Variants in USP6NL observed in about 807,000 individuals in gnomAD.
USP6NL encodes the protein USP6 N-terminal-like protein.
USP6NL carries 26 observed loss-of-function variants against 61.9 expected under a neutral mutation model. That is an observed-to-expected ratio of 0.42 (90% CI 0.31 to 0.58). The LOEUF (loss-of-function observed/expected upper bound fraction) is 0.58, where lower values mean the gene tolerates loss of function less well. Ranked by LOEUF, USP6NL falls within the 20% of genes least tolerant of loss-of-function variation. USP6NL has a pLI of 0.16. For synonymous variants in USP6NL, 432 were observed against 390.1 expected, an observed-to-expected ratio of 1.11 and a Z score of -1.27; for missense variants, 1,114 against 1,034.3, an observed-to-expected ratio of 1.08 and a Z score of -1.06.
intron 2 of USP6NL, among the ~76,000 whole-genome samples, chr10:11,593,998 A>G (rs1023015504): frequency 3.3e-5 from 5 of 152,198 alleles, no homozygotes; most frequent in African/African-American, 7.2e-5. Context: ...ATTGGGGGGG[A>G]AAAAAGCTAA....
Position 11,592,136 on chromosome 10 carries a change from T to C in USP6NL, c.4+5495A>G, listed in dbSNP as rs766623028. ...ATCTGGCCACCTCAGCCTCCCAAAGTATTGGCATTACAGCCGTGAGCCACC... is the reference window on the plus strand; with the variant it reads ...ATCTGGCCACCTCAGCCTCCCAAAGCATTGGCATTACAGCCGTGAGCCACC... On this transcript the variant is annotated intron_variant, in intron 2 of 14. Coordinates refer to ENST00000609104, the MANE Select transcript of USP6NL (RefSeq NM_014688.5). This position sits in a 1 kb window ranked among gnomAD's most constrained non-coding sequence, Gnocchi z 4.7. Among the ~76,000 whole-genome samples, 1 of 152,164 alleles carries C rather than the reference T, an allele frequency of 6.6e-6. No homozygotes were observed. Among genetic ancestry groups the C allele is most frequent in the African/African-American group, 2.4e-5 (1 of 41,436 alleles).
rs1160916608 is a variant in USP6NL at position 11,600,594 on chromosome 10, G to T, written c.-83-2877C>A. On this transcript the variant is annotated intron_variant, in intron 1 of 14. Coordinates refer to ENST00000609104, the MANE Select transcript of USP6NL (RefSeq NM_014688.5). This position sits in a 1 kb window ranked among gnomAD's most constrained non-coding sequence, Gnocchi z 4.1. ...AATTTAAAAATTTTCTAGTTAAAAA[G>T]ACTATTTTAAAAGTCTAGCCATATT... 6.6e-6 allele frequency among the ~76,000 whole-genome samples: 1 copy of T among 152,132 alleles called. No individual in the cohort carries two copies. The highest frequency in any genetic ancestry group is 1.5e-5 in the Non-Finnish European group (1 of 68,018).
intron 2 of USP6NL, among the ~76,000 whole-genome samples, chr10:11,531,235 G>A (rs758262110): frequency 3.9e-5 from 6 of 152,136 alleles, no homozygotes; most frequent in Non-Finnish European, 1.5e-5. Context: ...AGAGTAATCA[G>A]TGTTAAAATA....
chr10:11,563,645 C>T (rs1367072105), intron 2 of USP6NL: 1 of 152,096 alleles, frequency 6.6e-6, no homozygotes, highest in African/African-American at 2.4e-5. Context: ...CTGAAAAGTA[C>T]TTAGTGCTGT....
chr10:11,543,073 T>C (rs928366822), intron 2 of USP6NL, among the ~76,000 whole-genome samples: 1 of 152,228 alleles, frequency 6.6e-6, no homozygotes, highest in Non-Finnish European at 1.5e-5. Context: ...TTGATACTAC[T>C]AACGTATCAT....
Position 11,564,837 on chromosome 10 carries a change from A to G in USP6NL, c.4+32794T>C, listed in dbSNP as rs150865339. ...AGGACCACATATACATTTGATTTATATTGCTGATTTCATAATATCCACTCT... is the reference window on the plus strand; with the variant it reads ...AGGACCACATATACATTTGATTTATGTTGCTGATTTCATAATATCCACTCT... On this transcript the variant is annotated intron_variant, in intron 2 of 14. Coordinates refer to ENST00000609104, the MANE Select transcript of USP6NL (RefSeq NM_014688.5). 1.1e-3 allele frequency: 174 copies of G among 152,350 alleles called. 2 individuals carry two copies. Among genetic ancestry groups the G allele is most frequent in the African/African-American group, 3.6e-3 (151 of 41,574 alleles). The allele number at this position is 152,350 out of a possible 1,614,324, so 9.4% of individuals were successfully genotyped here. A position where few individuals can be genotyped will look rare whatever the true frequency, so the allele number is the denominator to read the frequency against.
At chr10:11,515,521 G>A (rs10905967) in intron 5 of USP6NL, among the ~76,000 whole-genome samples, 93,152 of 152,076 alleles carry the variant, frequency 0.61, 29,402 homozygotes, top group Middle Eastern at 0.72. Context: ...GGCTTCTGAC[G>A]TGAGAGGCAA....
At chr10:11,572,442 T>A (rs1233080890) in intron 2 of USP6NL, among the ~76,000 whole-genome samples, 3 of 151,884 alleles carry the variant, frequency 2.0e-5, no homozygotes, top group Admixed American at 6.6e-5. Flanking sequence ...CTTTTTGAGA[T>A]GCGTATCTGT....
Position 11,556,576 on chromosome 10 carries a change from G to A in USP6NL, c.5-29009C>T, listed in dbSNP as rs75607804. The stretch of plus-strand genomic sequence containing the variant: ...AGCAAATACGAAAGTAAAAGAATGG[G>A]AAAGTTATATATACCATGTAAGCAT... On this transcript the variant is annotated intron_variant, in intron 2 of 14. Transcript: ENST00000609104. 1.2e-3 allele frequency among the ~76,000 whole-genome samples: 177 copies of A among 152,154 alleles called. 4 individuals carry two copies. The East Asian group carries it at 0.027, about 23-fold the overall frequency.
Position 11,532,326 on chromosome 10 carries a change from C to G in USP6NL, c.5-4759G>C, listed in dbSNP as rs1835694066. Reference sequence around the variant, plus strand: ...CGGCGGTACCTCACACATTCTGCAACTAACTAAAACAAAGAAAGGCAGAGG... The same window carrying G: ...CGGCGGTACCTCACACATTCTGCAAGTAACTAAAACAAAGAAAGGCAGAGG... On this transcript the variant is annotated intron_variant, in intron 2 of 14. Transcript: ENST00000609104. This position sits in a 1 kb window ranked among gnomAD's most constrained non-coding sequence, Gnocchi z 4.1. The G allele has an allele frequency of 2.0e-6, 2 of 1,021,498 alleles. No homozygotes were observed. Among genetic ancestry groups the G allele is most frequent in the Non-Finnish European group, 2.8e-6 (2 of 715,878 alleles). The allele number at this position is 1,021,498 out of a possible 1,614,324, so 63.3% of individuals were successfully genotyped here. A position where few individuals can be genotyped will look rare whatever the true frequency, so the allele number is the denominator to read the frequency against.
At chr10:11,506,655 AC>A (rs1834450110) in intron 6 of USP6NL, among the ~76,000 whole-genome samples, 2 of 152,162 alleles carry the variant, frequency 1.3e-5, no homozygotes, top group African/African-American at 4.8e-5. Flanking sequence ...TCAAAAAAAA[AC>A]AAAAAAATTT....
At position 11,470,057 on chromosome 10, in the gene USP6NL, G is replaced by A. The variant is rs1832665434; in HGVS notation, c.1079-6208C>T. ...TTTCCAGGGAGGCCCTCAGGCCCCCGGGGCAGCGCTGTGGAGGTAGTAACG... is the reference window on the plus strand; with the variant it reads ...TTTCCAGGGAGGCCCTCAGGCCCCCAGGGCAGCGCTGTGGAGGTAGTAACG... On this transcript the variant is annotated intron_variant, in intron 14 of 14. Coordinates refer to ENST00000609104, the MANE Select transcript of USP6NL (RefSeq NM_014688.5). This position sits in a 1 kb window ranked among gnomAD's most constrained non-coding sequence, Gnocchi z 5.4. 6.6e-6 allele frequency among the ~76,000 whole-genome samples: 1 copy of A among 152,210 alleles called. No homozygotes were observed. The highest frequency in any genetic ancestry group is 6.5e-5 in the Admixed American group (1 of 15,288).
intron 6 of USP6NL, among the ~76,000 whole-genome samples, chr10:11,506,775 C>T (rs11257133): frequency 0.016 from 2,404 of 150,864 alleles, 62 homozygotes; most frequent in African/African-American, 0.054. Context: ...TCTAAAAATC[C>T]AAATATTCCC....
In USP6NL at chr10:11,553,890, CA is replaced by C. The variant is rs35646401; in HGVS notation, c.5-26324del. 0.58 allele frequency among the ~76,000 whole-genome samples: 80,269 copies of C among 137,950 alleles called. 22,494 individuals carry two copies. The highest frequency in any genetic ancestry group is 0.88 in the East Asian group (4,278 of 4,862). 90.5% of individuals were successfully genotyped at this position (137,950 alleles called of 152,430 possible). A position where few individuals can be genotyped will look rare whatever the true frequency, so the allele number is the denominator to read the frequency against. On this transcript the variant is annotated intron_variant, in intron 2 of 14. Transcript: ENST00000609104. The surrounding 1 kb of genome is among the most constrained non-coding windows in gnomAD (Gnocchi z 4.8). ...TGGGCAACAGAGTAAGACTCCATCTCAAAAAAAAAAAAAAGCAAGATTAAAA... is the reference window on the plus strand; with the variant it reads ...TGGGCAACAGAGTAAGACTCCATCTCAAAAAAAAAAAAAGCAAGATTAAAA...
Position 11,540,170 on chromosome 10 carries a change from T to C in USP6NL, c.5-12603A>G, listed in dbSNP as rs143188393. On this transcript the variant is annotated intron_variant, in intron 2 of 14. Transcript: ENST00000609104. The surrounding 1 kb of genome is among the most constrained non-coding windows in gnomAD (Gnocchi z 5.0). ...TGTACTTTCTGGATTCTAGTAGCCC[T>C]CCAATCTCATTACATGAAATTGTCA... 2.9e-4 allele frequency among the ~76,000 whole-genome samples: 44 copies of C among 152,334 alleles called. No homozygotes were observed. The highest frequency in any genetic ancestry group is 1.1e-3 in the African/African-American group (44 of 41,570).
rs1838201415 is a variant in USP6NL, at chr10:11,592,976, A to C, written c.4+4655T>G. Among the ~76,000 whole-genome samples the C allele has an allele frequency of 6.6e-6, 1 of 152,182 alleles. No individual in the cohort carries two copies. The highest frequency in any genetic ancestry group is 2.4e-5 in the African/African-American group (1 of 41,438). ...TATTAGAAAACCACAAATACACTAC[A>C]CCCCAAATTACTCACTGCCATTATT... On this transcript the variant is annotated intron_variant, in intron 2 of 14. Coordinates refer to ENST00000609104, the MANE Select transcript of USP6NL (RefSeq NM_014688.5). This position sits in a 1 kb window ranked among gnomAD's most constrained non-coding sequence, Gnocchi z 4.7.
chr10:11,548,084 A>G lies in USP6NL; in HGVS notation c.5-20517T>C, dbSNP rs565998343. Among the ~76,000 whole-genome samples the G allele has an allele frequency of 6.6e-6, 1 of 152,314 alleles. No individual in the cohort carries two copies. The highest frequency in any genetic ancestry group is 2.1e-4 in the South Asian group (1 of 4,824). On this transcript the variant is annotated intron_variant, in intron 2 of 14. Coordinates refer to ENST00000609104, the MANE Select transcript of USP6NL (RefSeq NM_014688.5). This position sits in a 1 kb window ranked among gnomAD's most constrained non-coding sequence, Gnocchi z 4.3. ...TAAGGCTTCCAGAAATGAAAATCTC[A>G]CAAGTCAGCCCATTCCAGCTTGAAG...
At chr10:11,581,226 A>G (rs1187603805) in intron 2 of USP6NL, among the ~76,000 whole-genome samples, 5 of 152,268 alleles carry the variant, frequency 3.3e-5, no homozygotes, top group Admixed American at 3.3e-4. Flanking sequence ...TACAGAGATA[A>G]GCACTACTGA....
At chr10:11,531,717 T>C (rs1340838642) in intron 2 of USP6NL, among the ~76,000 whole-genome samples, 9 of 151,970 alleles carry the variant, frequency 5.9e-5, no homozygotes, top group Admixed American at 4.6e-4. Flanking sequence ...AATCAAATTA[T>C]TTTTATGATT....
Sources: allele counts gnomAD v4.1 joint callset (sites outside exome capture counted in the v4.1 genomes callset), GRCh38; gene constraint gnomAD v4.1.1; non-coding constraint Gnocchi (gnomAD v3.1); transcripts MANE v1.5; gene names NCBI Gene and HGNC (gene_info 2026-07-23, HGNC 2026-07-21).